The following EPHA6 variants were observed in gnomAD, a reference collection of about 807,000 sequenced individuals.
EPHA6 encodes EPH receptor A6.
In EPHA6, 50 loss-of-function variants were observed where a neutral mutation model predicts 112.0. That is an observed-to-expected ratio of 0.45 (90% CI 0.36 to 0.56). The LOEUF (loss-of-function observed/expected upper bound fraction) is 0.56, where lower values mean the gene tolerates loss of function less well. Ranked by LOEUF, EPHA6 falls within the 20% of genes least tolerant of loss-of-function variation. The probability of loss-of-function intolerance (pLI) is 0.00; values close to 1 mark genes in which losing one functional copy is unlikely to be tolerated. For missense variants in EPHA6, 1,280 were observed against 1,417.4 expected, an observed-to-expected ratio of 0.90 and a Z score of 1.56; for synonymous variants, 529 against 490.7, an observed-to-expected ratio of 1.08 and a Z score of -1.03.
At chr3:97,549,677 G>A (rs1041426697) in intron 11 of EPHA6, among the ~76,000 whole-genome samples, 3 of 152,082 alleles carry the variant, frequency 2.0e-5, no homozygotes, top group Non-Finnish European at 4.4e-5. Flanking sequence ...GGGCATTGTG[G>A]CACACACCTG....
In EPHA6 at chr3:97,720,643, C is replaced by G. The variant is rs368073619; in HGVS notation, c.2934+233C>G. Among the ~76,000 whole-genome samples the G allele has an allele frequency of 9.2e-5, 14 of 152,318 alleles. No homozygotes were observed. In the South Asian group the frequency reaches 2.7e-3, roughly 29 times the overall value. ...AGTGCCTGATGCACATGTTACATCT[C>G]AGATTTCCATGCTTGTTCTAATGAA... On this transcript the variant is annotated intron_variant, in intron 15 of 17. Coordinates refer to ENST00000389672, the MANE Select transcript of EPHA6 (RefSeq NM_001080448.3).
chr3:97,397,649 A>T (rs1427213600), intron 5 of EPHA6, among the ~76,000 whole-genome samples: 3 of 151,610 alleles, frequency 2.0e-5, no homozygotes, highest in Non-Finnish European at 4.4e-5. Context: ...TATCCAAGTT[A>T]TATGAAGCAG....
intron 5 of EPHA6, among the ~76,000 whole-genome samples, chr3:97,283,722 A>G (rs1205681855): frequency 6.6e-6 from 1 of 152,168 alleles, no homozygotes; most frequent in Non-Finnish European, 1.5e-5. Context: ...ATGTATACCT[A>G]TGTAACAAAC....
chr3:97,677,767 G>C (rs1166076930), intron 14 of EPHA6, among the ~76,000 whole-genome samples: 1 of 150,990 alleles, frequency 6.6e-6, no homozygotes, highest in African/African-American at 2.4e-5. Flanking sequence ...TGAAGAGTAG[G>C]CTTCTTGAAA....
At chr3:97,284,625 C>T (rs1221457262) in intron 5 of EPHA6, among the ~76,000 whole-genome samples, 2 of 152,144 alleles carry the variant, frequency 1.3e-5, no homozygotes, top group African/African-American at 4.8e-5. Flanking sequence ...ACACTCATTT[C>T]TAAAGTGCCA....
intron 8 of EPHA6, among the ~76,000 whole-genome samples, chr3:97,478,626 G>A (rs776386351): frequency 2.0e-5 from 3 of 152,080 alleles, no homozygotes; most frequent in Non-Finnish European, 4.4e-5. Flanking sequence ...AAGCACTTTG[G>A]TAGGGGAGCA....
At chr3:96,914,072 G>A (rs946474193) in intron 2 of EPHA6, among the ~76,000 whole-genome samples, 13 of 152,008 alleles carry the variant, frequency 8.6e-5, no homozygotes, top group African/African-American at 3.1e-4. Context: ...ATTTTTCATC[G>A]TATATGGATC....
At chr3:97,527,060 G>A (rs2092631002) in intron 10 of EPHA6, among the ~76,000 whole-genome samples, 1 of 152,186 alleles carries the variant, frequency 6.6e-6, no homozygotes, top group South Asian at 2.1e-4. Context: ...CAGCTAAAGG[G>A]GGCTGGAGCC....
intron 6 of EPHA6, among the ~76,000 whole-genome samples, chr3:97,430,419 A>C (rs1172653939): frequency 6.6e-6 from 1 of 152,122 alleles, no homozygotes; most frequent in Non-Finnish European, 1.5e-5. Context: ...TAAAATTTCA[A>C]AAAATATAAA....
At chr3:97,483,100 A>G (rs375873796) in intron 9 of EPHA6, among the ~76,000 whole-genome samples, 20 of 152,244 alleles carry the variant, frequency 1.3e-4, no homozygotes, top group African/African-American at 4.8e-4. Flanking sequence ...TAAAAAAAGC[A>G]GAGAAATAAA....
chr3:97,620,601 G>A (rs1376745072), intron 13 of EPHA6, among the ~76,000 whole-genome samples: 1 of 151,908 alleles, frequency 6.6e-6, no homozygotes, highest in Non-Finnish European at 1.5e-5. Flanking sequence ...TTAAAAACTG[G>A]TCAAAGGACA....
At chr3:97,697,613 T>A (rs2033122841) in intron 14 of EPHA6, among the ~76,000 whole-genome samples, 1 of 152,242 alleles carries the variant, frequency 6.6e-6, no homozygotes, top group African/African-American at 2.4e-5. Flanking sequence ...CAGCCTGTGC[T>A]AGAGTGCTTC....
At chr3:97,170,268 T>A (rs148782151) in intron 3 of EPHA6, among the ~76,000 whole-genome samples, 114 of 152,274 alleles carry the variant, frequency 7.5e-4, no homozygotes, top group African/African-American at 2.6e-3. Context: ...TTGTTACTAT[T>A]AGTGCAACTT....
chr3:97,187,711 AAG>A (rs1376509054), intron 3 of EPHA6, among the ~76,000 whole-genome samples: 22 of 149,050 alleles, frequency 1.5e-4, no homozygotes, highest in African/African-American at 4.9e-4. Context: ...GAAAGAAAGA[AAG>A]AAAGAAAGAA....
intron 2 of EPHA6, among the ~76,000 whole-genome samples, chr3:96,912,370 T>G (rs555627175): frequency 6.6e-6 from 1 of 152,258 alleles, no homozygotes; most frequent in Non-Finnish European, 1.5e-5. Context: ...TATGCCATCA[T>G]GAAATTTATA....
chr3:97,477,168 A>G (rs1350571761), intron 8 of EPHA6, among the ~76,000 whole-genome samples: 2 of 152,136 alleles, frequency 1.3e-5, no homozygotes, highest in African/African-American at 4.8e-5. Flanking sequence ...TAGAGGACAG[A>G]AAGCAAATTT....
At chr3:97,530,734 A>G (rs979588133) in intron 10 of EPHA6, among the ~76,000 whole-genome samples, 1 of 151,992 alleles carries the variant, frequency 6.6e-6, no homozygotes, top group South Asian at 2.1e-4. Flanking sequence ...CATATATAGA[A>G]TAAATTATCT....
chr3:97,005,563 CAG>C (rs2043846113), intron 3 of EPHA6, among the ~76,000 whole-genome samples: 1 of 152,138 alleles, frequency 6.6e-6, no homozygotes, highest in South Asian at 2.1e-4. Flanking sequence ...CGTCTACAAA[CAG>C]AGACAGCTTG....
intron 6 of EPHA6, among the ~76,000 whole-genome samples, chr3:97,431,732 G>A (rs771661116): frequency 2.0e-5 from 3 of 151,858 alleles, no homozygotes; most frequent in African/African-American, 4.8e-5. Context: ...TGTTTAACAC[G>A]TTTATACTTT....
Sources: gnomAD v4.1 joint callset for allele counts (sites outside exome capture counted in the v4.1 genomes callset) on GRCh38, gnomAD v4.1.1 for gene constraint, MANE v1.5 for transcripts, NCBI Gene and HGNC (gene_info 2026-07-23, HGNC 2026-07-21) for gene names.